The following MARK4 variants were observed in gnomAD, a reference collection of about 807,000 sequenced individuals.
The protein encoded by MARK4 is MAP/microtubule affinity-regulating kinase 4.
A neutral mutation model predicts 81.5 loss-of-function variants in MARK4; 19 were observed. The ratio of observed to expected loss-of-function variants is 0.23; its 90% confidence interval spans 0.16 to 0.34. MARK4 has a LOEUF of 0.34. MARK4 is among the 10% of genes least tolerant of loss of function. MARK4 has a pLI of 1.00. For synonymous variants in MARK4, 436 were observed against 439.0 expected (o/e 0.99, Z 0.08); for missense variants, 772 against 1,058.8 (o/e 0.73, Z 3.76).
In MARK4 at chr19:45,287,578, C is replaced by G. The variant is rs1369037663; in HGVS notation, c.1408C>G (p.Pro470Ala). Residue 470 changes from proline (P) to alanine (A), a missense_variant, in exon 13 of 17, where the codon CCC becomes GCC. By Grantham distance (27) the Pro-to-Ala change is conservative. This residue lies in a region of MARK4 where 548 missense variants were observed against 624.3 expected (regional missense o/e 0.88). Transcript: ENST00000262891. ...CGCGGGGAGTGGGAGTCGAGGGCTG[C>G]CCCCCTCCAGCCCCATGGTCAGCAG... ...STAGSGSRGL[P>A]PSSPMVSSAH... 6.3e-7 allele frequency: 1 copy of G among 1,594,972 alleles called. No individual in the cohort carries two copies. Among genetic ancestry groups the G allele is most frequent in the Non-Finnish European group, 8.6e-7 (1 of 1,168,680 alleles).
chr19:45,251,366 C>A lies in MARK4; in HGVS notation c.-223C>A. 1 of 197,490 alleles carries A rather than the reference C, an allele frequency of 5.1e-6. No homozygotes were observed. Among genetic ancestry groups the A allele is most frequent in the South Asian group, 1.7e-4 (1 of 6,010 alleles). The allele number at this position is 197,490 out of a possible 1,614,324, so 12.2% of individuals were successfully genotyped here. ...CCCGCCCGCCCGCCTGCCCGCCGCC[C>A]CCATGGCGCCCGGGGTCCCCGCTGC... On this transcript the variant is annotated 5_prime_UTR_variant, in exon 1 of 17. Coordinates refer to ENST00000262891, the MANE Select transcript of MARK4 (RefSeq NM_001199867.2).
At chr19:45,285,894 C>T (rs1301872240) in intron 12 of MARK4, among the ~76,000 whole-genome samples, 2 of 152,140 alleles carry the variant, frequency 1.3e-5, no homozygotes, top group African/African-American at 4.8e-5. Context: ...TAAGATGTTC[C>T]TAGAGACCAG....
intron 1 of MARK4, among the ~76,000 whole-genome samples, chr19:45,255,202 CAA>C (rs764108800): frequency 2.1e-4 from 27 of 127,468 alleles, no homozygotes; most frequent in Non-Finnish European, 2.2e-4. Context: ...GGCCCTGTCT[CAA>C]AAAAAAAAAA....
intron 2 of MARK4, among the ~76,000 whole-genome samples, chr19:45,259,448 G>T (rs897212372): frequency 1.3e-5 from 2 of 152,166 alleles, no homozygotes; most frequent in Non-Finnish European, 2.9e-5. Context: ...TGCTAAGGAT[G>T]CATGTGGCTT....
Position 45,302,880 on chromosome 19 carries a change from CAGA to C in MARK4, c.*176_*178del, listed in dbSNP as rs952603254. On this transcript the variant is annotated 3_prime_UTR_variant, in exon 17 of 17. Coordinates refer to ENST00000262891, the MANE Select transcript of MARK4 (RefSeq NM_001199867.2). The surrounding 1 kb of genome is among the most constrained non-coding windows in gnomAD (Gnocchi z 4.9). Reference sequence around the variant, plus strand: ...TGCTGTTCTCTGGGGCCGCTCAGCACAGAAGAAGGATGAGGGGGCTCAGCGGGG... The same window carrying C: ...TGCTGTTCTCTGGGGCCGCTCAGCACAGAAGGATGAGGGGGCTCAGCGGGG... The C allele has an allele frequency of 4.8e-5, 54 of 1,118,460 alleles. No individual in the cohort carries two copies. The highest frequency in any genetic ancestry group is 9.5e-5 in the African/African-American group (6 of 62,946). 69.3% of individuals were successfully genotyped at this position (1,118,460 alleles called of 1,614,324 possible).
At chr19:45,285,697 TC>T (rs1568499944) in intron 12 of MARK4, among the ~76,000 whole-genome samples, 2 of 149,172 alleles carry the variant, frequency 1.3e-5, no homozygotes. Flanking sequence ...AGACCTGAGT[TC>T]CAGGGATTCT....
rs1491309521 is a variant in MARK4, at chr19:45,277,822, GTT to G, written c.787-100_787-99del. ...TTCTATCAAAGGGGTTGGGACAAAGGTTGTGTGTGTGTGTGTGTGTGTGTGTG... is the reference window on the plus strand; with the variant it reads ...TTCTATCAAAGGGGTTGGGACAAAGGGTGTGTGTGTGTGTGTGTGTGTGTG... On this transcript the variant is annotated intron_variant, in intron 8 of 16. Transcript: ENST00000262891. 1.2e-4 allele frequency: 134 copies of G among 1,140,880 alleles called. No homozygotes were observed. In the African/African-American group the frequency reaches 1.3e-3, roughly 11 times the overall value. 70.7% of individuals were successfully genotyped at this position (1,140,880 alleles called of 1,614,324 possible).
Position 45,251,515 on chromosome 19 carries a change from GA to G in MARK4, c.-73del, listed in dbSNP as rs1970239539. 2.4e-6 allele frequency: 2 copies of G among 820,152 alleles called. No homozygotes were observed. Among genetic ancestry groups the G allele is most frequent in the Non-Finnish European group, 3.5e-6 (2 of 565,064 alleles). The allele number at this position is 820,152 out of a possible 1,614,324, so 50.8% of individuals were successfully genotyped here. ...TCGCGTCCCCAGGCCGGCGGGGGGG[GA>G]GGGGAAGAGAGGGGACCCTGGGACC... is the stretch of plus-strand genomic sequence containing the variant. On this transcript the variant is annotated 5_prime_UTR_variant, in exon 1 of 17. Transcript: ENST00000262891.
intron 8 of MARK4, among the ~76,000 whole-genome samples, chr19:45,273,574 G>A (rs528624648): frequency 1.3e-5 from 2 of 152,084 alleles, no homozygotes; most frequent in Non-Finnish European, 2.9e-5. Flanking sequence ...GCCATCTCTT[G>A]TGTCTCCTTT....
At chr19:45,285,158 C>T (rs972293430) in intron 12 of MARK4, among the ~76,000 whole-genome samples, 3 of 149,294 alleles carry the variant, frequency 2.0e-5, no homozygotes, top group African/African-American at 4.9e-5. Context: ...ACTTGAGAGG[C>T]TGAGGTGGGA....
chr19:45,258,169 A>G (rs1970333697), intron 1 of MARK4, among the ~76,000 whole-genome samples: 1 of 150,730 alleles, frequency 6.6e-6, no homozygotes, highest in African/African-American at 2.4e-5. Flanking sequence ...TTTTTTTAGT[A>G]GAGATGGGGT....
chr19:45,261,574 G>A (rs1285326691), intron 2 of MARK4, among the ~76,000 whole-genome samples: 1 of 152,220 alleles, frequency 6.6e-6, no homozygotes, highest in Admixed American at 6.5e-5. Context: ...TTCCCTATAT[G>A]TGGATCTGGT....
In MARK4 at chr19:45,304,035, C is replaced by G. The variant is rs534781316; in HGVS notation, c.*1325C>G. 2 of 152,226 alleles carry G rather than the reference C, an allele frequency of 1.3e-5. No homozygotes were observed. Among genetic ancestry groups the G allele is most frequent in the Non-Finnish European group, 2.9e-5 (2 of 68,038 alleles). The allele number at this position is 152,226 out of a possible 1,614,324, so 9.4% of individuals were successfully genotyped here. On this transcript the variant is annotated 3_prime_UTR_variant, in exon 17 of 17. Transcript: ENST00000262891. The stretch of plus-strand genomic sequence containing the variant: ...TGTATTAGGACTAATAATCCATCTA[C>G]GCTGCTTAAGCAAAAAGGTATTTGT...
chr19:45,273,961 C>A (rs1320225653), intron 8 of MARK4, among the ~76,000 whole-genome samples: 1 of 152,204 alleles, frequency 6.6e-6, no homozygotes, highest in African/African-American at 2.4e-5. Context: ...AAGGTACCAA[C>A]CCTGTGGGCC....
intron 1 of MARK4, among the ~76,000 whole-genome samples, chr19:45,252,324 A>C (rs1970254653): frequency 6.6e-6 from 1 of 151,832 alleles, no homozygotes; most frequent in Non-Finnish European, 1.5e-5. Flanking sequence ...GGGCCCCCAG[A>C]TGCCACCTGG....
At chr19:45,264,657 GC>G in intron 4 of MARK4, 26 bp from the exon 5 acceptor site, 5 of 1,611,954 alleles carry the variant, frequency 3.1e-6, no homozygotes, top group Non-Finnish European at 4.2e-6. Flanking sequence ...TCTCCCTAAT[GC>G]CCTACACTGT....
At chr19:45,298,384 C>T (rs1026337433) in intron 15 of MARK4, among the ~76,000 whole-genome samples, 3 of 152,056 alleles carry the variant, frequency 2.0e-5, no homozygotes, top group African/African-American at 4.8e-5. Context: ...GAGCCAGACT[C>T]GGGGGTTCAA....
rs541166089 is a variant in MARK4 at position 45,293,545 on chromosome 19, C to T, written c.1495-804C>T. Among the ~76,000 whole-genome samples, 11 of 152,276 alleles carry T rather than the reference C, an allele frequency of 7.2e-5. No homozygotes were observed. The South Asian group carries it at 1.0e-3, about 14-fold the overall frequency. The stretch of plus-strand genomic sequence containing the variant: ...ATATTCTTGTTAAAGAAATTGAATT[C>T]GTAACTGAAAACCTTCCCTATAAAG... On this transcript the variant is annotated intron_variant, in intron 13 of 16. Coordinates refer to ENST00000262891, the MANE Select transcript of MARK4 (RefSeq NM_001199867.2).
intron 8 of MARK4, among the ~76,000 whole-genome samples, chr19:45,276,248 A>C (rs1433647711): frequency 2.6e-5 from 4 of 152,072 alleles, no homozygotes; most frequent in African/African-American, 9.7e-5. Context: ...GCTGGTCTCA[A>C]ACTCACGGGC....
Sources: gnomAD v4.1 joint callset for allele counts (sites outside exome capture counted in the v4.1 genomes callset) on GRCh38, gnomAD v4.1.1 for gene constraint, gnomAD v4.1.1 regional missense constraint, Gnocchi (gnomAD v3.1) non-coding constraint, MANE v1.5 for transcripts, NCBI Gene and HGNC (gene_info 2026-07-23, HGNC 2026-07-21) for gene names.